Variants in EXOC6 observed in about 807,000 individuals in gnomAD.
The protein encoded by EXOC6 is SEC15-like 1.
A neutral mutation model predicts 112.5 loss-of-function variants in EXOC6; 60 were observed. The ratio of observed to expected loss-of-function variants is 0.53; its 90% CI spans 0.43 to 0.66. The LOEUF (loss-of-function observed/expected upper bound fraction) is 0.66. Ranked by LOEUF, EXOC6 falls within the 30% of genes least tolerant of loss-of-function variation. The pLI is 0.00. For missense variants in EXOC6, 855 were observed against 957.1 expected, an observed-to-expected ratio of 0.89 and a Z score of 1.41; for synonymous variants, 295 against 308.0, an observed-to-expected ratio of 0.96 and a Z score of 0.44.
chr10:92,831,322 T>C (rs754258449), upstream of EXOC6: 38 of 1,288,750 alleles, frequency 2.9e-5, no homozygotes, highest in Admixed American at 4.6e-5. Context: ...AGAGGATGAA[T>C]GTGCTGTGTA....
intron 18 of EXOC6, among the ~76,000 whole-genome samples, chr10:92,991,782 A>G (rs952889784): frequency 5.3e-5 from 8 of 151,892 alleles, no homozygotes; most frequent in Non-Finnish European, 7.4e-5. Context: ...AAGAGTAGAC[A>G]TTTCTGTTAC....
intron 20 of EXOC6, among the ~76,000 whole-genome samples, chr10:93,029,400 AT>A (rs1845171259): frequency 1.3e-5 from 2 of 151,872 alleles, no homozygotes; most frequent in Non-Finnish European, 1.5e-5. Flanking sequence ...ATAAAATTGA[AT>A]TTTTTTCATC....
intron 1 of EXOC6, among the ~76,000 whole-genome samples, chr10:92,859,185 C>G (rs1212446176): frequency 6.6e-6 from 1 of 152,150 alleles, no homozygotes; most frequent in African/African-American, 2.4e-5. Context: ...ACTCTCGATG[C>G]TGATTCCTTC....
chr10:92,993,639 TAATA>T (rs1220560853), intron 18 of EXOC6, among the ~76,000 whole-genome samples: 1 of 152,176 alleles, frequency 6.6e-6, no homozygotes, highest in Non-Finnish European at 1.5e-5. Flanking sequence ...AGCCATAATC[TAATA>T]AACTATGTTG....
At position 92,926,559 on chromosome 10, in the gene EXOC6, G is replaced by A. The variant is rs138561606; in HGVS notation, c.889-1780G>A. Among the ~76,000 whole-genome samples the A allele has an allele frequency of 2.2e-3, 334 of 151,928 alleles. 1 individual carries two copies. The highest frequency in any genetic ancestry group is 7.4e-3 in the African/African-American group (308 of 41,482). On this transcript the variant is annotated intron_variant, in intron 8 of 21. Coordinates refer to ENST00000260762, the MANE Select transcript of EXOC6 (RefSeq NM_019053.6). ...AAAAAAGAAAGAAAAAAAGAGATGA[G>A]GTCTTACTCTGTTGCCCCAACTGGA...
At chr10:92,939,667 A>G (rs1169597435) in intron 12 of EXOC6, among the ~76,000 whole-genome samples, 4 of 152,100 alleles carry the variant, frequency 2.6e-5, no homozygotes, top group Non-Finnish European at 4.4e-5. Flanking sequence ...TCAGAGGTTG[A>G]AATCATTAGA....
At chr10:92,989,204 T>C (rs930680928) in intron 18 of EXOC6, among the ~76,000 whole-genome samples, 6 of 152,118 alleles carry the variant, frequency 3.9e-5, no homozygotes, top group African/African-American at 1.4e-4. Flanking sequence ...GATAAGTGTT[T>C]TGTTAAGTAT....
At chr10:92,943,175 C>T (rs1448539679) in intron 13 of EXOC6, among the ~76,000 whole-genome samples, 2 of 151,916 alleles carry the variant, frequency 1.3e-5, no homozygotes, top group East Asian at 1.9e-4. Flanking sequence ...CCCACCACCA[C>T]GCCCGGCTAA....
rs759517675 is a variant in EXOC6, at chr10:93,014,285, A to T, written c.2169+18A>T. 15 of 1,595,012 alleles carry T rather than the reference A, an allele frequency of 9.4e-6. No homozygotes were observed. Among genetic ancestry groups the T allele is most frequent in the Non-Finnish European group, 1.3e-5 (15 of 1,164,332 alleles). On this transcript the variant is annotated intron_variant, in intron 20 of 21. Coordinates refer to ENST00000260762, the MANE Select transcript of EXOC6 (RefSeq NM_019053.6). ...TCAGACAAGTAAGATATAATAATGTACTTCCCATTTGTTGCCCTCTAACTC... is the reference window on the plus strand; with the variant it reads ...TCAGACAAGTAAGATATAATAATGTTCTTCCCATTTGTTGCCCTCTAACTC...
chr10:93,053,954 C>T (rs1297003671), intron 20 of EXOC6, among the ~76,000 whole-genome samples: 1 of 152,210 alleles, frequency 6.6e-6, no homozygotes, highest in Non-Finnish European at 1.5e-5. Flanking sequence ...CTTTGGGACA[C>T]AAACACTGAA....
At chr10:93,006,344 T>C (rs1843981069) in intron 19 of EXOC6, among the ~76,000 whole-genome samples, 1 of 152,180 alleles carries the variant, frequency 6.6e-6, no homozygotes, top group Non-Finnish European at 1.5e-5. Context: ...TTTTAAAAAG[T>C]AAGCTGGATG....
At position 92,974,234 on chromosome 10, in the gene EXOC6, T is replaced by C; in HGVS notation, c.1953+2T>C. 1 of 1,535,872 alleles carries C rather than the reference T, an allele frequency of 6.5e-7. No homozygotes were observed. The highest frequency in any genetic ancestry group is 1.7e-4 in the Middle Eastern group (1 of 5,796). On this transcript the variant is annotated splice_donor_variant, in intron 18 of 21. Transcript: ENST00000260762. LOFTEE classifies it high-confidence loss of function. ...TTTCAAGTGTTTACTCATTTGCCTG[T>C]AAGTATAAAAATTTTCAAAAATTGT...
At chr10:92,934,018 A>G (rs1250257698) in intron 9 of EXOC6, 126 bp from the exon 10 acceptor site, 2 of 552,346 alleles carry the variant, frequency 3.6e-6, no homozygotes, top group Non-Finnish European at 6.3e-6. Context: ...CCTGGTACCT[A>G]AAAATGTACG....
At chr10:93,003,456 C>CT (rs962325231) in intron 19 of EXOC6, among the ~76,000 whole-genome samples, 4 of 151,920 alleles carry the variant, frequency 2.6e-5, no homozygotes, top group Non-Finnish European at 5.9e-5. Flanking sequence ...TGTTGGTGCT[C>CT]TTTTTTTTGG....
At chr10:92,912,035 C>T (rs949414621) in intron 6 of EXOC6, among the ~76,000 whole-genome samples, 3 of 150,636 alleles carry the variant, frequency 2.0e-5, no homozygotes, top group Non-Finnish European at 3.0e-5. Context: ...TTGGCAGAGT[C>T]ACAGTTTAGT....
At chr10:93,047,312 G>A (rs1035728367) in intron 20 of EXOC6, among the ~76,000 whole-genome samples, 3 of 151,980 alleles carry the variant, frequency 2.0e-5, no homozygotes, top group African/African-American at 7.3e-5. Flanking sequence ...CAAGGCAGGT[G>A]GATCACTTGA....
At chr10:92,905,804 T>C (rs993012660) in intron 5 of EXOC6, among the ~76,000 whole-genome samples, 8 of 152,072 alleles carry the variant, frequency 5.3e-5, no homozygotes, top group Non-Finnish European at 1.2e-4. Flanking sequence ...GAGAAAAATA[T>C]GTATTTTGTA....
At chr10:92,885,627 T>G (rs937302314) in intron 1 of EXOC6, among the ~76,000 whole-genome samples, 6 of 152,142 alleles carry the variant, frequency 3.9e-5, no homozygotes, top group African/African-American at 1.4e-4. Context: ...TCCACCCACC[T>G]AAGCCTCCCA....
chr10:92,879,140 T>C (rs1386166891), intron 1 of EXOC6, among the ~76,000 whole-genome samples: 3 of 152,196 alleles, frequency 2.0e-5, no homozygotes, highest in Non-Finnish European at 4.4e-5. Context: ...CTTAATGTTT[T>C]CCCCCTATAA....
Sources: gnomAD v4.1 joint callset for allele counts (sites outside exome capture counted in the v4.1 genomes callset) on GRCh38, gnomAD v4.1.1 for gene constraint, MANE v1.5 for transcripts, NCBI Gene and HGNC (gene_info 2026-07-23, HGNC 2026-07-21) for gene names.